The following SHROOM4 variants were observed in gnomAD, a reference collection of about 807,000 sequenced individuals.
The protein encoded by SHROOM4 is protein Shroom4.
SHROOM4 carries 17 observed loss-of-function variants against 80.3 expected under a neutral mutation model. The ratio of observed to expected loss-of-function variants is 0.21; its 90% CI spans 0.14 to 0.32. The LOEUF (loss-of-function observed/expected upper bound fraction) is 0.32. SHROOM4 is among the 10% of genes least tolerant of loss of function. SHROOM4 has a pLI of 1.00. For missense variants in SHROOM4, 993 were observed against 1,140.3 expected (o/e 0.87, Z 1.86); for synonymous variants, 400 against 437.5 (o/e 0.91, Z 1.07).
rs1323745572 is a variant in SHROOM4, at chrX:50,588,091, G to A, written c.*8604C>T. On this transcript the variant is annotated 3_prime_UTR_variant, in exon 9 of 9. Transcript: ENST00000376020. ...AAAACAGTTCCTTCTCTATTGTTCT[G>A]AAGGGGGTGTTTTCTTGGGAGTATA... Among the ~76,000 whole-genome samples the A allele has an allele frequency of 3.6e-5, 4 of 111,591 alleles. No individual in the cohort carries two copies. Among genetic ancestry groups the A allele is most frequent in the Non-Finnish European group, 7.5e-5 (4 of 53,062 alleles).
chrX:50,666,332 T>G (rs1557260356), intron 2 of SHROOM4, among the ~76,000 whole-genome samples: 1 of 111,844 alleles, frequency 8.9e-6, no homozygotes, highest in Admixed American at 9.5e-5. Flanking sequence ...TTTACCCTGA[T>G]GAGTTATGGG....
the SHROOM4 span, among the ~76,000 whole-genome samples, chrX:50,576,298 T>A: frequency 9.0e-6 from 1 of 111,655 alleles, no homozygotes; most frequent in Non-Finnish European, 1.9e-5. Context: ...CCTACCTGAG[T>A]AACCTTTATC....
chrX:50,581,525 C>T, the SHROOM4 span, among the ~76,000 whole-genome samples: 1 of 111,441 alleles, frequency 9.0e-6, no homozygotes, highest in East Asian at 2.8e-4. Flanking sequence ...TAAAGAGTTG[C>T]AGCTGCAGCC....
chrX:50,735,620 G>A (rs1361992225), intron 1 of SHROOM4, among the ~76,000 whole-genome samples: 1 of 110,538 alleles, frequency 9.0e-6, no homozygotes, highest in Non-Finnish European at 1.9e-5. Context: ...CAATGATAAA[G>A]AGAAAAACAA....
chrX:50,808,552 G>A, intron 1 of SHROOM4, among the ~76,000 whole-genome samples: 1 of 111,510 alleles, frequency 9.0e-6, no homozygotes, highest in Middle Eastern at 4.6e-3. Context: ...GGCAGTGAGA[G>A]CAGCCCTTCC....
intron 2 of SHROOM4, among the ~76,000 whole-genome samples, chrX:50,651,756 C>T (rs1486401142): frequency 1.0e-4 from 11 of 108,448 alleles, no homozygotes; most frequent in Non-Finnish European, 2.1e-4. Context: ...CGACATGCCC[C>T]AGTGTGTGAC....
At chrX:50,791,153 T>C (rs956127439) in intron 1 of SHROOM4, among the ~76,000 whole-genome samples, 9 of 110,806 alleles carry the variant, frequency 8.1e-5, no homozygotes, top group African/African-American at 2.0e-4. Context: ...ATCAACAGTG[T>C]TTCTATACAC....
intron 1 of SHROOM4, among the ~76,000 whole-genome samples, chrX:50,810,994 A>G (rs781991389): frequency 4.5e-5 from 5 of 112,227 alleles, no homozygotes; most frequent in African/African-American, 1.6e-4. Flanking sequence ...CACTTCTGAG[A>G]AGAGAGCCAG....
intron 1 of SHROOM4, among the ~76,000 whole-genome samples, chrX:50,810,381 C>T (rs1311221384): frequency 1.8e-5 from 2 of 110,876 alleles, no homozygotes; most frequent in Non-Finnish European, 3.8e-5. Flanking sequence ...TTCAAATTCC[C>T]CCACTCCCCA....
At position 50,622,986 on chromosome X, in the gene SHROOM4, C is replaced by T. The variant is rs782564437; in HGVS notation, c.2957+4628G>A. 3.3e-3 allele frequency among the ~76,000 whole-genome samples: 374 copies of T among 111,846 alleles called. 1 individual carries two copies. The highest frequency in any genetic ancestry group is 0.011 in the African/African-American group (343 of 30,827). ...AAAACAGAGATTGCTGGGCCACATCCTCACTTTCTGAATCAGTAGGTCTGA... is the reference window on the plus strand; with the variant it reads ...AAAACAGAGATTGCTGGGCCACATCTTCACTTTCTGAATCAGTAGGTCTGA... On this transcript the variant is annotated intron_variant, in intron 5 of 8. Transcript: ENST00000376020.
chrX:50,694,463 T>A (rs1169832023), intron 2 of SHROOM4, among the ~76,000 whole-genome samples: 3 of 108,618 alleles, frequency 2.8e-5, no homozygotes, highest in African/African-American at 1.0e-4. Context: ...ATGTTGAGCA[T>A]TTTTTCATAT....
At chrX:50,612,847 A>T (rs976157512) in intron 5 of SHROOM4, among the ~76,000 whole-genome samples, 17 of 110,612 alleles carry the variant, frequency 1.5e-4, no homozygotes, top group African/African-American at 5.6e-4. Context: ...TAAAAAAAAA[A>T]CCTAACAGAA....
chrX:50,745,677 T>C (rs1227659852), intron 1 of SHROOM4, among the ~76,000 whole-genome samples: 2 of 110,697 alleles, frequency 1.8e-5, no homozygotes, highest in African/African-American at 6.6e-5. Flanking sequence ...AGCAGCCTGA[T>C]CATTCTGGAA....
chrX:50,814,070 G>A lies in SHROOM4; in HGVS notation c.-52C>T. 3.3e-6 allele frequency: 3 copies of A among 895,650 alleles called. No homozygotes were observed. Among genetic ancestry groups the A allele is most frequent in the Non-Finnish European group, 4.9e-6 (3 of 615,095 alleles). 73.8% of individuals were successfully genotyped at this position (895,650 alleles called of 1,213,427 possible). ...GCTCCTTTTCCGAGGGGGCTACGTT[G>A]CCTCCGCCCCCAGCAGCTCCGCCAC... On this transcript the variant is annotated 5_prime_UTR_variant, in exon 1 of 9. Transcript: ENST00000376020.
At chrX:50,575,553 T>C in the SHROOM4 span, among the ~76,000 whole-genome samples, 1 of 111,494 alleles carries the variant, frequency 9.0e-6, no homozygotes, top group Non-Finnish European at 1.9e-5. Flanking sequence ...CCTTTTATTT[T>C]TCTAGTGTTA....
chrX:50,803,617 A>G (rs782778427), intron 1 of SHROOM4, among the ~76,000 whole-genome samples: 2 of 111,840 alleles, frequency 1.8e-5, no homozygotes, highest in South Asian at 7.6e-4. Context: ...ATCAGCCCAC[A>G]ATGAAATCTC....
In SHROOM4 at chrX:50,813,911, T is replaced by C; in HGVS notation, c.108A>G (p.Thr36=). Residue 36 remains threonine, a synonymous_variant, in exon 1 of 9, where the codon ACA becomes ACG. Coordinates refer to ENST00000376020, the MANE Select transcript of SHROOM4 (RefSeq NM_020717.5). ...KGGLEHCEPL[T]VSKIEDGGKA... is the part of the protein sequence containing the mutation. Reference sequence around the variant, plus strand: ...AGCCGCCAGTTCTTACCTTAGACACTGTGAGCGGCTCACAGTGTTCCAGAC... The same window carrying C: ...AGCCGCCAGTTCTTACCTTAGACACCGTGAGCGGCTCACAGTGTTCCAGAC... 1 of 1,194,467 alleles carries C rather than the reference T, an allele frequency of 8.4e-7. No homozygotes were observed. The highest frequency in any genetic ancestry group is 1.1e-6 in the Non-Finnish European group (1 of 881,095).
intron 1 of SHROOM4, among the ~76,000 whole-genome samples, chrX:50,722,561 C>T (rs1288232497): frequency 2.7e-5 from 3 of 110,861 alleles, no homozygotes; most frequent in African/African-American, 9.9e-5. Context: ...CAGCAATACA[C>T]TCACGGGAAT....
chrX:50,708,550 G>T (rs782550630), intron 1 of SHROOM4, among the ~76,000 whole-genome samples: 2 of 112,222 alleles, frequency 1.8e-5, no homozygotes, highest in Non-Finnish European at 3.8e-5. Flanking sequence ...GGAGCCAGGA[G>T]AGGAAATGGG....
Sources: allele counts gnomAD v4.1 joint callset (sites outside exome capture counted in the v4.1 genomes callset), GRCh38; gene constraint gnomAD v4.1.1; transcripts MANE v1.5; gene names NCBI Gene and HGNC (gene_info 2026-07-23, HGNC 2026-07-21).